PROM1: variants seen among roughly 807,000 people sequenced by gnomAD.
PROM1 encodes the protein prominin 1.
A neutral mutation model predicts 116.9 loss-of-function variants in PROM1; 105 were observed. That is an observed-to-expected ratio of 0.90 (90% CI 0.77 to 1.06). The LOEUF (loss-of-function observed/expected upper bound fraction) is 1.06. Among genes scored for constraint, PROM1 ranks in the 50% least tolerant of loss-of-function variants. PROM1 has a pLI of 0.00. For missense variants in PROM1, 1,122 were observed against 1,045.2 expected (o/e 1.07, Z -1.01); for synonymous variants, 393 against 387.0 (o/e 1.02, Z -0.18).
chr4:16,000,223 A>AT (rs1723417394), intron 14 of PROM1, among the ~76,000 whole-genome samples: 1 of 152,216 alleles, frequency 6.6e-6, no homozygotes, highest in Non-Finnish European at 1.5e-5. Context: ...TGCAATCCAC[A>AT]TTGAGCGGCA....
chr4:16,004,610 T>C (rs937300339), intron 13 of PROM1, among the ~76,000 whole-genome samples: 3 of 152,140 alleles, frequency 2.0e-5, no homozygotes, highest in Admixed American at 1.3e-4. Flanking sequence ...ATTTGTAACA[T>C]TAAACTTAAA....
intron 2 of PROM1, among the ~76,000 whole-genome samples, chr4:16,042,124 C>G (rs969138429): frequency 7.9e-5 from 12 of 152,096 alleles, no homozygotes; most frequent in African/African-American, 2.9e-4. Context: ...AGCATTTTCT[C>G]TGAAATGAAA....
intron 2 of PROM1, among the ~76,000 whole-genome samples, chr4:16,053,834 C>T (rs972508965): frequency 1.3e-5 from 2 of 152,216 alleles, no homozygotes; most frequent in Non-Finnish European, 2.9e-5. Context: ...GTGGCTCACG[C>T]CTATAATCCC....
intron 11 of PROM1, among the ~76,000 whole-genome samples, chr4:16,012,296 C>T (rs752485311): frequency 6.6e-6 from 1 of 152,098 alleles, no homozygotes; most frequent in Non-Finnish European, 1.5e-5. Context: ...TGCGCCCAGC[C>T]CAGAGATTTC....
chr4:15,985,781 A>T lies in PROM1; in HGVS notation c.2259T>A (p.Tyr753Ter). 1 of 1,576,502 alleles carries T rather than the reference A, an allele frequency of 6.3e-7. No homozygotes were observed. ...TTACAGAGAACTCGATCCACTGCAG[A>T]TAATGTTCAAAATATCCTATTATTG... ...GRTIIGYFEH[Y>*]LQWIEFSISE... Residue 753 changes from tyrosine (Y) to a stop codon, truncating the protein, a stop_gained, in exon 22 of 28, where the codon TAT becomes TAA. Coordinates refer to ENST00000447510, the MANE Select transcript of PROM1 (RefSeq NM_006017.3). LOFTEE classifies it high-confidence loss of function.
At chr4:15,971,179 A>G in intron 26 of PROM1, 97 bp from the exon 27 acceptor site, 1 of 1,013,682 alleles carries the variant, frequency 9.9e-7, no homozygotes, top group Non-Finnish European at 1.5e-6. Flanking sequence ...GACTAAAGGT[A>G]CAGACGAATA....
intron 2 of PROM1, among the ~76,000 whole-genome samples, chr4:16,064,775 C>T (rs970214148): frequency 1.1e-4 from 16 of 152,096 alleles, no homozygotes; most frequent in Admixed American, 7.9e-4. Flanking sequence ...CGCCTGTAAT[C>T]CCTGCTACTC....
intron 3 of PROM1, among the ~76,000 whole-genome samples, chr4:16,037,660 C>G (rs1734246617): frequency 1.3e-5 from 2 of 152,120 alleles, no homozygotes; most frequent in Admixed American, 1.3e-4. Flanking sequence ...CGCCTTCAAA[C>G]CAGGAAAGGA....
rs909523897 is a variant in PROM1 at position 15,994,206 on chromosome 4, C to G, written c.1683-135G>C. ...AACACAGAAGTGGGGCTGCATGTCC[C>G]CAGTGGCCACACAAATCCCCCAGCA... On this transcript the variant is annotated intron_variant, in intron 15 of 27. Transcript: ENST00000447510. 10 of 1,481,076 alleles carry G rather than the reference C, an allele frequency of 6.8e-6. No homozygotes were observed. In the Admixed American group the frequency reaches 7.2e-5, roughly 11 times the overall value. The allele number at this position is 1,481,076 out of a possible 1,614,324, so 91.7% of individuals were successfully genotyped here.
intron 2 of PROM1, among the ~76,000 whole-genome samples, chr4:16,071,638 A>C (rs1257341059): frequency 1.3e-5 from 2 of 152,222 alleles, no homozygotes. Flanking sequence ...CCCAGGAAAG[A>C]GCATGTGAGC....
At chr4:15,983,752 T>C (rs1046863377) in intron 23 of PROM1, among the ~76,000 whole-genome samples, 5 of 152,106 alleles carry the variant, frequency 3.3e-5, no homozygotes, top group Non-Finnish European at 7.4e-5. Context: ...GATCTTTAGA[T>C]AGCAATGGGA....
In PROM1 at chr4:15,968,327, C is replaced by T. The variant is rs1454921382; in HGVS notation, c.*1066G>A. ...TACATCTGGAATTTCATTACATCAA[C>T]GTTAAATTTTGTCCGACCAGTTCTT... On this transcript the variant is annotated 3_prime_UTR_variant, in exon 28 of 28. Coordinates refer to ENST00000447510, the MANE Select transcript of PROM1 (RefSeq NM_006017.3). 1 of 152,186 alleles carries T rather than the reference C, an allele frequency of 6.6e-6. No individual in the cohort carries two copies. The highest frequency in any genetic ancestry group is 1.5e-5 in the Non-Finnish European group (1 of 68,030). The allele number at this position is 152,186 out of a possible 1,614,324, so 9.4% of individuals were successfully genotyped here.
chr4:15,983,272 A>G (rs1718423608), intron 23 of PROM1, among the ~76,000 whole-genome samples: 1 of 152,198 alleles, frequency 6.6e-6, no homozygotes, highest in Admixed American at 6.5e-5. Flanking sequence ...AATAGTAGTG[A>G]ATATTCATTG....
In PROM1 at chr4:16,072,011, A is replaced by C. The variant is rs545380302; in HGVS notation, c.220+3676T>G. 7.9e-4 allele frequency among the ~76,000 whole-genome samples: 121 copies of C among 152,272 alleles called. 1 individual carries two copies. The highest frequency in any genetic ancestry group is 2.9e-3 in the African/African-American group (119 of 41,574). On this transcript the variant is annotated intron_variant, in intron 2 of 27. Transcript: ENST00000447510. ...TAATGAGCCTAAGCCCCCTGTGTAG[A>C]GTAATCCTTTTGCAGCTTCAGGCCA...
intron 2 of PROM1, among the ~76,000 whole-genome samples, chr4:16,059,106 T>C (rs1343368767): frequency 3.9e-5 from 6 of 152,186 alleles, no homozygotes; most frequent in Admixed American, 2.0e-4. Context: ...AGCATTTTCA[T>C]GGAATGCATT....
chr4:16,010,021 C>T (rs1285430415), intron 11 of PROM1, among the ~76,000 whole-genome samples: 1 of 149,220 alleles, frequency 6.7e-6, no homozygotes, highest in Admixed American at 6.7e-5. Context: ...CAGAAAAACA[C>T]AAGTGACTCT....
chr4:15,981,612 T>A (rs544812809), intron 23 of PROM1, among the ~76,000 whole-genome samples: 1 of 151,988 alleles, frequency 6.6e-6, no homozygotes, highest in South Asian at 2.1e-4. Flanking sequence ...TTAACCCTTC[T>A]GGCTTTGTTC....
At chr4:16,041,593 TG>T (rs1173236363) in intron 2 of PROM1, among the ~76,000 whole-genome samples, 1 of 151,670 alleles carries the variant, frequency 6.6e-6, no homozygotes, top group African/African-American at 2.4e-5. Context: ...CCTGGGCAAC[TG>T]GGTAACATAG....
intron 2 of PROM1, among the ~76,000 whole-genome samples, chr4:16,068,547 T>C (rs1006441487): frequency 1.2e-4 from 19 of 152,228 alleles, no homozygotes; most frequent in African/African-American, 4.6e-4. Context: ...AATTCAACTT[T>C]GTGTTCTTTG....
Sources: allele counts gnomAD v4.1 joint callset (sites outside exome capture counted in the v4.1 genomes callset), GRCh38; gene constraint gnomAD v4.1.1; transcripts MANE v1.5; gene names NCBI Gene and HGNC (gene_info 2026-07-23, HGNC 2026-07-21).